AGO3: variants seen among roughly 807,000 people sequenced by gnomAD.
AGO3 encodes argonaute RISC catalytic component 3.
AGO3 carries 16 observed loss-of-function variants against 105.5 expected under a neutral mutation model. The observed-to-expected ratio is 0.15, with a 90% confidence interval of 0.10 to 0.23. The LOEUF (loss-of-function observed/expected upper bound fraction) is 0.23, where lower values mean the gene tolerates loss of function less well. Among genes scored for constraint, AGO3 ranks in the 10% least tolerant of loss-of-function variants. The pLI is 1.00. For missense variants in AGO3, 534 were observed against 1,088.0 expected, an observed-to-expected ratio of 0.49 and a Z score of 7.16; for synonymous variants, 340 against 367.3, an observed-to-expected ratio of 0.93 and a Z score of 0.85.
At chr1:35,999,197 C>CA (rs1274305701) in intron 5 of AGO3, among the ~76,000 whole-genome samples, 1 of 151,934 alleles carries the variant, frequency 6.6e-6, no homozygotes, top group African/African-American at 2.4e-5. Context: ...ACTAAAAATA[C>CA]AAAAAAATTA....
intron 11 of AGO3, among the ~76,000 whole-genome samples, chr1:36,014,603 G>C (rs917727040): frequency 1.1e-4 from 17 of 151,564 alleles, no homozygotes; most frequent in African/African-American, 2.9e-4. Context: ...AACCCCGTCT[G>C]TACTAAAAAT....
intron 11 of AGO3, among the ~76,000 whole-genome samples, chr1:36,014,275 C>T (rs1042905188): frequency 6.6e-6 from 1 of 151,946 alleles, no homozygotes; most frequent in Non-Finnish European, 1.5e-5. Context: ...TCTCCTGCCT[C>T]AGCCTCCCAA....
intron 16 of AGO3, 121 bp downstream of exon 16, chr1:36,040,562 C>A (rs1642200839): frequency 1.9e-6 from 2 of 1,062,068 alleles, no homozygotes; most frequent in Non-Finnish European, 1.4e-6. Context: ...CAAATTTCAA[C>A]AATTACATTA....
In AGO3 at chr1:36,046,568, G is replaced by A. The variant is rs766320005; in HGVS notation, c.2274+3020G>A. On this transcript the variant is annotated intron_variant, in intron 17 of 18. Coordinates refer to ENST00000373191, the MANE Select transcript of AGO3 (RefSeq NM_024852.4). ...AAATTAGTTGGACGTCATGGCGCGCGCCTGTAGTCCCAGCTACTCCAGCCT... is the reference window on the plus strand; with the variant it reads ...AAATTAGTTGGACGTCATGGCGCGCACCTGTAGTCCCAGCTACTCCAGCCT... Among the ~76,000 whole-genome samples, 109 of 130,486 alleles carry A rather than the reference G, an allele frequency of 8.4e-4. 3 individuals carry two copies. The highest frequency in any genetic ancestry group is 2.3e-4 in the Non-Finnish European group (15 of 64,420). 85.6% of individuals were successfully genotyped at this position (130,486 alleles called of 152,430 possible).
chr1:35,977,261 A>AT (rs1308794924), intron 5 of AGO3, among the ~76,000 whole-genome samples: 1 of 149,866 alleles, frequency 6.7e-6, no homozygotes, highest in Non-Finnish European at 1.5e-5. Context: ...TTTTTTTTTA[A>AT]TTAAAAAAAA....
At chr1:35,931,812 A>G (rs1571396342) in intron 1 of AGO3, among the ~76,000 whole-genome samples, 1 of 152,280 alleles carries the variant, frequency 6.6e-6, no homozygotes, top group South Asian at 2.1e-4. Flanking sequence ...GCAGCCAGCC[A>G]GCTCCCTTAC....
chr1:36,008,013 A>G lies in AGO3; in HGVS notation c.794-677A>G, dbSNP rs1427264484. ...TTATGTATATGTGCATTTTGCTGAG[A>G]GTTTATTGCTTACATCAGATTCTCA... On this transcript the variant is annotated intron_variant, in intron 6 of 18. Coordinates refer to ENST00000373191, the MANE Select transcript of AGO3 (RefSeq NM_024852.4). This position sits in a 1 kb window ranked among gnomAD's most constrained non-coding sequence, Gnocchi z 5.1. Among the ~76,000 whole-genome samples, 1 of 152,188 alleles carries G rather than the reference A, an allele frequency of 6.6e-6. No individual in the cohort carries two copies. The highest frequency in any genetic ancestry group is 1.5e-5 in the Non-Finnish European group (1 of 68,034).
At chr1:36,038,594 A>G (rs181339165) in intron 14 of AGO3, among the ~76,000 whole-genome samples, 1 of 152,272 alleles carries the variant, frequency 6.6e-6, no homozygotes, top group Admixed American at 6.5e-5. Flanking sequence ...TTCAAGGGAA[A>G]GAAATGGTCA....
In AGO3 at chr1:36,055,674, C is replaced by A. The variant is rs1642894966; in HGVS notation, c.2512C>A (p.Arg838=). 2.5e-6 allele frequency: 4 copies of A among 1,614,150 alleles called. No homozygotes were observed. The South Asian group carries it at 4.4e-5, about 18-fold the overall frequency. Residue 838 remains arginine, a synonymous_variant, in exon 19 of 19, where the codon CGA becomes AGA. Transcript: ENST00000373191. The surrounding 1 kb of genome is among the most constrained non-coding windows in gnomAD (Gnocchi z 4.4). ...TCACGTTTCAGGACAAAGCAATGGG[C>A]GAGATCCACAAGCTCTTGCCAAGGC... ...GSHVSGQSNG[R]DPQALAKAVQ...
intron 1 of AGO3, among the ~76,000 whole-genome samples, chr1:35,945,377 A>T (rs1194227665): frequency 6.6e-6 from 1 of 151,024 alleles, no homozygotes; most frequent in Non-Finnish European, 1.5e-5. Context: ...CTTTAACTTT[A>T]CTTTGCTATT....
intron 16 of AGO3, 55 bp from the exon 17 acceptor site, chr1:36,043,392 C>T: frequency 1.4e-6 from 2 of 1,402,432 alleles, no homozygotes; most frequent in South Asian, 1.2e-5. Flanking sequence ...AAAGTGCTTT[C>T]AGATATATTT....
chr1:35,950,359 T>G (rs1213627294), intron 2 of AGO3, among the ~76,000 whole-genome samples: 1 of 152,242 alleles, frequency 6.6e-6, no homozygotes, highest in Non-Finnish European at 1.5e-5. Flanking sequence ...TATTTGGCAC[T>G]AAGGCATTAA....
rs946466751 is a variant in AGO3 at position 36,068,601 on chromosome 1, T to C, written c.*12856T>C. 2.0e-5 allele frequency: 3 copies of C among 152,248 alleles called. No homozygotes were observed. Among genetic ancestry groups the C allele is most frequent in the African/African-American group, 7.2e-5 (3 of 41,468 alleles). The allele number at this position is 152,248 out of a possible 1,614,324, so 9.4% of individuals were successfully genotyped here. On this transcript the variant is annotated 3_prime_UTR_variant, in exon 19 of 19. Coordinates refer to ENST00000373191, the MANE Select transcript of AGO3 (RefSeq NM_024852.4). ...TCTTAAAGAAAATTAATATAGCTTA[T>C]GGTTTTGATAAATTGGACTCTGATT...
At position 36,034,341 on chromosome 1, in the gene AGO3, A is replaced by G. The variant is rs1641911496; in HGVS notation, c.1751+8A>G. The stretch of plus-strand genomic sequence containing the variant: ...TCTTGTACCTCATCAAAGGTAAGAT[A>G]TGCTAATCGCTTATGAAAATATTAT... On this transcript the variant is annotated splice_region_variant and intron_variant, in intron 13 of 18. Transcript: ENST00000373191. 3 of 1,573,360 alleles carry G rather than the reference A, an allele frequency of 1.9e-6. No homozygotes were observed. In the East Asian group the frequency reaches 6.8e-5, roughly 36 times the overall value.
At chr1:36,000,377 G>A (rs1290237161) in intron 5 of AGO3, among the ~76,000 whole-genome samples, 3 of 152,226 alleles carry the variant, frequency 2.0e-5, no homozygotes, top group Admixed American at 2.0e-4. Flanking sequence ...CCACCTTCCT[G>A]TAGAGAAGAT....
At chr1:35,990,267 G>A (rs992225667) in intron 5 of AGO3, among the ~76,000 whole-genome samples, 1 of 152,096 alleles carries the variant, frequency 6.6e-6, no homozygotes, top group Non-Finnish European at 1.5e-5. Context: ...CCAGCACTTT[G>A]GGAGGCCGAG....
intron 5 of AGO3, chr1:35,982,812 GTAC>G (rs1331813692): frequency 3.7e-6 from 2 of 547,008 alleles, no homozygotes; most frequent in Non-Finnish European, 6.6e-6. Context: ...TTTGGGTGTA[GTAC>G]TGGTACATGG....
intron 5 of AGO3, among the ~76,000 whole-genome samples, chr1:35,980,048 T>A (rs1462294086): frequency 1.3e-5 from 2 of 152,184 alleles, no homozygotes; most frequent in Non-Finnish European, 2.9e-5. Context: ...GCTTTTTAAA[T>A]GGTAGTCCTC....
At chr1:35,963,341 A>T (rs530310025) in intron 2 of AGO3, among the ~76,000 whole-genome samples, 27 of 151,968 alleles carry the variant, frequency 1.8e-4, no homozygotes, top group Non-Finnish European at 3.7e-4. Context: ...AATTTTTTAC[A>T]GATAAATCTT....
Sources: allele counts gnomAD v4.1 joint callset (sites outside exome capture counted in the v4.1 genomes callset), GRCh38; gene constraint gnomAD v4.1.1; non-coding constraint Gnocchi (gnomAD v3.1); transcripts MANE v1.5; gene names NCBI Gene and HGNC (gene_info 2026-07-23, HGNC 2026-07-21).